SSB: variants seen among roughly 807,000 people sequenced by gnomAD.
The protein encoded by SSB is lupus La protein.
In SSB, 17 loss-of-function variants were observed where a neutral mutation model predicts 52.9. The observed-to-expected ratio is 0.32, with a 90% CI of 0.22 to 0.48. The LOEUF (loss-of-function observed/expected upper bound fraction) is 0.48, where lower values mean the gene tolerates loss of function less well. Ranked by LOEUF, SSB falls within the 20% of genes least tolerant of loss-of-function variation. The pLI, the probability that SSB is intolerant of heterozygous loss-of-function variation, is 0.99. For missense variants in SSB, 314 were observed against 463.6 expected (o/e 0.68, Z 2.96); for synonymous variants, 111 against 152.1 (o/e 0.73, Z 1.99).
intron 7 of SSB, 54 bp from the exon 8 acceptor site, chr2:169,808,806 T>C: frequency 7.3e-7 from 1 of 1,378,154 alleles, no homozygotes; most frequent in Non-Finnish European, 1.0e-6. Flanking sequence ...TATTAGGACT[T>C]AATTTTCTTA....
At chr2:169,806,084 C>T (rs1362538001) in intron 4 of SSB, 3 of 480,910 alleles carry the variant, frequency 6.2e-6, no homozygotes, top group East Asian at 4.8e-5. Context: ...GATCCTCCCA[C>T]CTCAGCCTCC....
rs1689949191 is a variant in SSB, at chr2:169,811,298, T to C, written c.1113T>C (p.Asp371=). 4 of 1,597,776 alleles carry C rather than the reference T, an allele frequency of 2.5e-6. No homozygotes were observed. The highest frequency in any genetic ancestry group is 3.4e-6 in the Non-Finnish European group (4 of 1,175,862). Residue 371 remains aspartate, a synonymous_variant, in exon 11 of 12, where the codon GAT becomes GAC. Transcript: ENST00000260956. ...AATTTGCTAGTGATGATGAACATGA[T>C]GAACATGATGAAAATGGTGCAACTG... ...KTKFASDDEH[D]EHDENGATGP...
intron 9 of SSB, 187 bp downstream of exon 9, chr2:169,810,610 ATTTAC>A (rs1689929285): frequency 7.3e-6 from 5 of 684,420 alleles, no homozygotes; most frequent in Non-Finnish European, 1.2e-5. Flanking sequence ...CTACTTGATC[ATTTAC>A]TTTGTTGTTA....
intron 10 of SSB, 65 bp downstream of exon 10, chr2:169,811,109 T>C: frequency 6.3e-7 from 1 of 1,591,784 alleles, no homozygotes; most frequent in East Asian, 2.2e-5. Context: ...GCAAAAACTT[T>C]AATCAGTGTT....
intron 4 of SSB, chr2:169,806,464 C>A: frequency 5.5e-6 from 1 of 183,144 alleles, no homozygotes; most frequent in Non-Finnish European, 1.1e-5. Flanking sequence ...TTTTTTATTA[C>A]GGAAAATTTC....
At chr2:169,807,935 T>A (rs1301904099) in intron 6 of SSB, among the ~76,000 whole-genome samples, 1 of 152,074 alleles carries the variant, frequency 6.6e-6, no homozygotes, top group Non-Finnish European at 1.5e-5. Context: ...CTAAACTTGA[T>A]TGACTTAGAG....
chr2:169,806,933 G>A (rs1444562316), intron 5 of SSB, 38 bp from the exon 6 acceptor site: 1 of 1,609,326 alleles, frequency 6.2e-7, no homozygotes, highest in East Asian at 2.2e-5. Flanking sequence ...AAATATATGG[G>A]ACATAACTTA....
At chr2:169,802,461 CAT>C (rs1344248810) in intron 2 of SSB, among the ~76,000 whole-genome samples, 2 of 149,888 alleles carry the variant, frequency 1.3e-5, no homozygotes, top group Non-Finnish European at 3.0e-5. Flanking sequence ...TAAAATGTCT[CAT>C]GTTCCTTTTT....
At chr2:169,807,735 G>GTTTTTTT (rs1381544554) in intron 6 of SSB, among the ~76,000 whole-genome samples, 1 of 50,702 alleles carries the variant, frequency 2.0e-5, no homozygotes, top group African/African-American at 5.6e-5. Context: ...TAGCCTATAT[G>GTTTTTTT]TCTTTTTTTT....
chr2:169,811,621 A>G, intron 11 of SSB, 47 bp from the exon 12 acceptor site: 1 of 1,591,510 alleles, frequency 6.3e-7, no homozygotes, highest in Non-Finnish European at 8.5e-7. Flanking sequence ...ATTAAACTAG[A>G]GCAGTACTTA....
At chr2:169,801,892 T>C (rs1689719290) in intron 2 of SSB, among the ~76,000 whole-genome samples, 1 of 152,134 alleles carries the variant, frequency 6.6e-6, no homozygotes, top group African/African-American at 2.4e-5. Flanking sequence ...CAAATTTAGG[T>C]ATTATGTTTA....
chr2:169,799,109 CGCCGCGTGG>C, intron 1 of SSB, 133 bp downstream of exon 1: 1 of 152,150 alleles, frequency 6.6e-6, no homozygotes, highest in South Asian at 2.1e-4. Flanking sequence ...TCAGGCCGAG[CGCCGCGTGG>C]GCCGCAGCCG....
At chr2:169,809,312 C>T (rs948072526) in intron 8 of SSB, among the ~76,000 whole-genome samples, 17 of 152,108 alleles carry the variant, frequency 1.1e-4, no homozygotes, top group South Asian at 6.2e-4. Context: ...ACCCAGGAGG[C>T]GGAGGTTGCA....
Position 169,808,840 on chromosome 2 carries a change from A to C in SSB, c.627-20A>C, listed in dbSNP as rs367682890. On this transcript the variant is annotated intron_variant, in intron 7 of 11. Transcript: ENST00000260956. Reference sequence around the variant, plus strand: ...TATATAGTAAATAGAAGTATGTTATAATTATATTTTTATTTGTAGGGAGCA... The same window carrying C: ...TATATAGTAAATAGAAGTATGTTATCATTATATTTTTATTTGTAGGGAGCA... 1.8e-5 allele frequency: 27 copies of C among 1,541,060 alleles called. No individual in the cohort carries two copies. The highest frequency in any genetic ancestry group is 2.1e-5 in the Non-Finnish European group (24 of 1,117,080).
intron 1 of SSB, among the ~76,000 whole-genome samples, chr2:169,800,545 AAAAAAAAAG>A (rs1185469115): frequency 1.3e-5 from 2 of 150,916 alleles, no homozygotes. Context: ...AAAAAAAAAA[AAAAAAAAAG>A]AGGTGAACCC....
intron 8 of SSB, 141 bp downstream of exon 8, chr2:169,809,043 A>AC: frequency 1.4e-6 from 1 of 724,544 alleles, no homozygotes; most frequent in Non-Finnish European, 2.5e-6. Flanking sequence ...ATCAGGTATT[A>AC]TATTGAGGGA....
intron 6 of SSB, among the ~76,000 whole-genome samples, chr2:169,807,306 T>A (rs541881098): frequency 1.2e-4 from 19 of 152,254 alleles, no homozygotes; most frequent in Admixed American, 2.0e-4. Flanking sequence ...CTTTTTTTTT[T>A]GAGACAAGTT....
intron 1 of SSB, 73 bp downstream of exon 1, chr2:169,799,049 G>T (rs985301632): frequency 2.0e-5 from 3 of 152,218 alleles, no homozygotes; most frequent in African/African-American, 7.2e-5. Context: ...GCGCGTTTCC[G>T]TTCTTTACTG....
At chr2:169,802,995 AT>A (rs1417210651) in intron 2 of SSB, among the ~76,000 whole-genome samples, 1 of 152,174 alleles carries the variant, frequency 6.6e-6, no homozygotes, top group Non-Finnish European at 1.5e-5. Context: ...AAACATGTTT[AT>A]TGATTTCTTC....
Sources: gnomAD v4.1 joint callset for allele counts (sites outside exome capture counted in the v4.1 genomes callset) on GRCh38, gnomAD v4.1.1 for gene constraint, MANE v1.5 for transcripts, NCBI Gene and HGNC (gene_info 2026-07-23, HGNC 2026-07-21) for gene names.